Variants in GRID2 observed in about 807,000 individuals in gnomAD.
GRID2 encodes glutamate receptor ionotropic, delta-2.
In GRID2, 33 loss-of-function variants were observed where a neutral mutation model predicts 114.8. That is an observed-to-expected ratio of 0.29 (90% CI 0.22 to 0.38). GRID2 has a LOEUF of 0.38. Among genes scored for constraint, GRID2 ranks in the 10% least tolerant of loss-of-function variants. GRID2 has a pLI of 1.00. For synonymous variants in GRID2, 505 were observed against 449.9 expected (o/e 1.12, Z -1.55); for missense variants, 1,184 against 1,257.7 (o/e 0.94, Z 0.89).
intron 2 of GRID2, among the ~76,000 whole-genome samples, chr4:92,894,671 T>C (rs1355338401): frequency 6.6e-6 from 1 of 152,146 alleles, no homozygotes; most frequent in Non-Finnish European, 1.5e-5. Context: ...GGAACACGTT[T>C]AAAAGAACAA....
At chr4:92,925,745 G>A (rs1207577204) in intron 2 of GRID2, among the ~76,000 whole-genome samples, 1 of 151,932 alleles carries the variant, frequency 6.6e-6, no homozygotes, top group East Asian at 1.9e-4. Context: ...AGTTATATTT[G>A]ATAGTAACAT....
chr4:93,155,233 A>G (rs916405594), intron 4 of GRID2, among the ~76,000 whole-genome samples: 7 of 152,020 alleles, frequency 4.6e-5, no homozygotes, highest in African/African-American at 1.7e-4. Context: ...CTTCCTAAAT[A>G]TCCTTGAAAT....
intron 8 of GRID2, among the ~76,000 whole-genome samples, chr4:93,304,926 A>AT (rs1755262902): frequency 6.6e-6 from 1 of 152,222 alleles, no homozygotes; most frequent in South Asian, 2.1e-4. Flanking sequence ...ATTTTGCTAA[A>AT]TTTGAACAAT....
intron 1 of GRID2, among the ~76,000 whole-genome samples, chr4:92,322,612 T>C (rs1179653544): frequency 1.3e-5 from 2 of 152,050 alleles, no homozygotes; most frequent in Non-Finnish European, 2.9e-5. Context: ...TTTGGACTGA[T>C]TGGAGGCAAA....
intron 2 of GRID2, among the ~76,000 whole-genome samples, chr4:92,883,648 T>A (rs1243041586): frequency 6.6e-6 from 1 of 152,214 alleles, no homozygotes; most frequent in Non-Finnish European, 1.5e-5. Flanking sequence ...TTAGCAGGCA[T>A]GAAAACAATG....
intron 12 of GRID2, among the ~76,000 whole-genome samples, chr4:93,499,269 A>G (rs115545298): frequency 0.022 from 3,406 of 151,832 alleles, 60 homozygotes; most frequent in South Asian, 0.059. Context: ...CCCTTACCTT[A>G]ACTATTGTTC....
intron 2 of GRID2, among the ~76,000 whole-genome samples, chr4:92,678,945 TG>T (rs1400235259): frequency 6.6e-6 from 1 of 151,722 alleles, no homozygotes; most frequent in Non-Finnish European, 1.5e-5. Context: ...TGGCATACCT[TG>T]TGACATCTCT....
At chr4:92,459,823 C>G (rs932989361) in intron 1 of GRID2, among the ~76,000 whole-genome samples, 1 of 151,024 alleles carries the variant, frequency 6.6e-6, no homozygotes, top group Non-Finnish European at 1.5e-5. Flanking sequence ...GCAGATGACC[C>G]TCTATAGTAT....
chr4:92,982,026 AAAAAAAAAAAAAAAAAAAAG>A (rs1754246956), intron 2 of GRID2, among the ~76,000 whole-genome samples: 2 of 142,156 alleles, frequency 1.4e-5, no homozygotes, highest in Admixed American at 7.3e-5. Flanking sequence ...TACTGGTAAA[AAAAAAAAAAAAAAAAAAAAG>A]AAAAAGAAAA....
intron 1 of GRID2, among the ~76,000 whole-genome samples, chr4:92,563,874 G>A (rs376668097): frequency 6.6e-6 from 1 of 151,942 alleles, no homozygotes; most frequent in African/African-American, 2.4e-5. Flanking sequence ...ACCTATCAGT[G>A]CGCACTCCAT....
intron 2 of GRID2, among the ~76,000 whole-genome samples, chr4:92,780,302 T>A (rs557781329): frequency 1.3e-5 from 2 of 152,302 alleles, no homozygotes; most frequent in East Asian, 3.9e-4. Context: ...ATTCAGACTG[T>A]TTTAAATAAG....
intron 2 of GRID2, among the ~76,000 whole-genome samples, chr4:92,591,493 T>C (rs1028025991): frequency 3.9e-5 from 6 of 152,152 alleles, no homozygotes; most frequent in Admixed American, 3.9e-4. Context: ...TTTGCCTCAT[T>C]AAAAATTTAA....
intron 10 of GRID2, among the ~76,000 whole-genome samples, chr4:93,436,201 A>G (rs1185488107): frequency 6.6e-6 from 1 of 152,034 alleles, no homozygotes; most frequent in Non-Finnish European, 1.5e-5. Context: ...CTCAGCTGTG[A>G]TTTTTTTGTG....
intron 8 of GRID2, among the ~76,000 whole-genome samples, chr4:93,357,045 T>C (rs1761403930): frequency 6.6e-6 from 1 of 151,612 alleles, no homozygotes; most frequent in African/African-American, 2.4e-5. Context: ...TGTTTTCAAT[T>C]TTTTTTATGT....
At chr4:92,750,937 A>G (rs1012239881) in intron 2 of GRID2, among the ~76,000 whole-genome samples, 1 of 151,892 alleles carries the variant, frequency 6.6e-6, no homozygotes, top group Non-Finnish European at 1.5e-5. Flanking sequence ...AATCAAATAT[A>G]AATAATGAGA....
At chr4:93,602,690 C>T (rs1254083865) in intron 13 of GRID2, among the ~76,000 whole-genome samples, 2 of 152,134 alleles carry the variant, frequency 1.3e-5, no homozygotes, top group South Asian at 2.1e-4. Flanking sequence ...CTCAGGCCTC[C>T]CTAATCCCTG....
At chr4:92,648,256 A>C (rs1223622272) in intron 2 of GRID2, among the ~76,000 whole-genome samples, 1 of 149,860 alleles carries the variant, frequency 6.7e-6, no homozygotes, top group Non-Finnish European at 1.5e-5. Flanking sequence ...AATACATTTA[A>C]ATAAATGAGG....
chr4:92,985,427 C>T (rs895588256), intron 2 of GRID2, among the ~76,000 whole-genome samples: 1 of 151,848 alleles, frequency 6.6e-6, no homozygotes, highest in African/African-American at 2.4e-5. Context: ...TTAGTAGAGA[C>T]GGGGTTTCAC....
chr4:93,272,900 T>C (rs1316605809), intron 8 of GRID2, among the ~76,000 whole-genome samples: 2 of 152,274 alleles, frequency 1.3e-5, no homozygotes, highest in East Asian at 3.9e-4. Context: ...AAAAGATGCC[T>C]CAATGACAAA....
Sources: gnomAD v4.1 joint callset for allele counts (sites outside exome capture counted in the v4.1 genomes callset) on GRCh38, gnomAD v4.1.1 for gene constraint, MANE v1.5 for transcripts, NCBI Gene and HGNC (gene_info 2026-07-23, HGNC 2026-07-21) for gene names.